Variants in ADGB observed in about 807,000 individuals in gnomAD.
ADGB encodes the protein androglobin, also known as calpain-7-like protein.
A neutral mutation model predicts 210.5 loss-of-function variants in ADGB; 172 were observed. The observed-to-expected ratio is 0.82, with a 90% CI of 0.72 to 0.93. ADGB has a LOEUF of 0.93. ADGB is among the 40% of genes least tolerant of loss of function. The probability of loss-of-function intolerance (pLI) is 0.00; values close to 1 mark genes in which losing one functional copy is unlikely to be tolerated. For synonymous variants in ADGB, 658 were observed against 662.7 expected, an observed-to-expected ratio of 0.99 and a Z score of 0.11; for missense variants, 2,025 against 1,964.8, an observed-to-expected ratio of 1.03 and a Z score of -0.58.
intron 26 of ADGB, among the ~76,000 whole-genome samples, chr6:146,747,873 C>T (rs547651704): frequency 6.6e-6 from 1 of 150,436 alleles, no homozygotes; most frequent in Non-Finnish European, 1.5e-5. Context: ...ACCTCTGCCT[C>T]CCGGGTTCAA....
At position 146,672,414 on chromosome 6, in the gene ADGB, A is replaced by G; in HGVS notation, c.1034A>G (p.Glu345Gly). The change falls in exon 8 of 36, where the codon GAA becomes GGA. Residue 345 changes from glutamate (E) to glycine (G), a missense_variant. By Grantham distance (98) the Glu-to-Gly change is moderately conservative (BLOSUM62 -2). Transcript: ENST00000397944. ...AAAGACGTGAAGGAATTCAAACCTG[A>G]AAGTTCTTTGACAACACTAAAGGCT... ...EVKDVKEFKPESSLTTLKAPE... is the reference protein window; with the variant it reads ...EVKDVKEFKPGSSLTTLKAPE... 6.4e-7 allele frequency: 1 copy of G among 1,551,238 alleles called. No homozygotes were observed. The highest frequency in any genetic ancestry group is 2.4e-5 in the East Asian group (1 of 40,896).
chr6:146,701,078 T>A lies in ADGB; in HGVS notation c.1707+8T>A. On this transcript the variant is annotated splice_region_variant and intron_variant, in intron 13 of 35. Transcript: ENST00000397944. Reference sequence around the variant, plus strand: ...ACAAAAGCTACATCTCAGGTGACTATGTTACTCTTACTGTTGGCCCAACTC... The same window carrying A: ...ACAAAAGCTACATCTCAGGTGACTAAGTTACTCTTACTGTTGGCCCAACTC... 1 of 1,549,714 alleles carries A rather than the reference T, an allele frequency of 6.5e-7. No individual in the cohort carries two copies. The highest frequency in any genetic ancestry group is 1.2e-5 in the South Asian group (1 of 83,868).
At chr6:146,727,108 G>T (rs1212612821) in intron 19 of ADGB, among the ~76,000 whole-genome samples, 3 of 151,164 alleles carry the variant, frequency 2.0e-5, no homozygotes, top group African/African-American at 7.3e-5. Context: ...ATGCATTTGG[G>T]ACAATATTTG....
chr6:146,708,170 A>T (rs1227201097), intron 13 of ADGB, among the ~76,000 whole-genome samples: 1 of 152,052 alleles, frequency 6.6e-6, no homozygotes, highest in East Asian at 1.9e-4. Context: ...TCCCTTGACA[A>T]ATTATTGCAA....
intron 34 of ADGB, 71 bp from the exon 35 acceptor site, chr6:146,801,757 G>T (rs1264974467): frequency 3.1e-6 from 4 of 1,281,772 alleles, no homozygotes; most frequent in East Asian, 2.7e-5. Context: ...AAAATTATTT[G>T]ATGTCTAAAG....
chr6:146,710,118 A>T (rs1215092688), intron 13 of ADGB, among the ~76,000 whole-genome samples: 1 of 150,928 alleles, frequency 6.6e-6, no homozygotes, highest in African/African-American at 2.4e-5. Context: ...TCTCAATCAT[A>T]TATAATCATA....
chr6:146,647,621 A>T (rs913087153), intron 3 of ADGB, among the ~76,000 whole-genome samples: 41 of 152,122 alleles, frequency 2.7e-4, no homozygotes, highest in African/African-American at 9.4e-4. Flanking sequence ...TTCTGTATTT[A>T]TTACTTTTAT....
At chr6:146,695,213 C>T (rs1443856625) in intron 12 of ADGB, among the ~76,000 whole-genome samples, 1 of 152,078 alleles carries the variant, frequency 6.6e-6, no homozygotes, top group East Asian at 1.9e-4. Flanking sequence ...TTTAATTTTG[C>T]TTTCATAGTA....
chr6:146,649,254 T>C (rs1412154194), intron 3 of ADGB, among the ~76,000 whole-genome samples: 1 of 151,776 alleles, frequency 6.6e-6, no homozygotes, highest in African/African-American at 2.4e-5. Context: ...GGCATTTTGC[T>C]GATAACTCAG....
Position 146,747,182 on chromosome 6 carries a change from AT to A in ADGB, c.3365+1074del, listed in dbSNP as rs1476135798. On this transcript the variant is annotated intron_variant, in intron 26 of 35. Coordinates refer to ENST00000397944, the MANE Select transcript of ADGB (RefSeq NM_024694.4). ...GATACATAATTGGCCTCCATTAACA[AT>A]GTGTTGTTATTCAACGAGTTGTTGG... Among the ~76,000 whole-genome samples the A allele has an allele frequency of 9.2e-5, 14 of 152,304 alleles. No homozygotes were observed. The East Asian group carries it at 2.1e-3, about 23-fold the overall frequency.
chr6:146,815,228 T>A lies in ADGB; in HGVS notation c.*11T>A. 6.7e-7 allele frequency: 1 copy of A among 1,495,484 alleles called. No homozygotes were observed. The highest frequency in any genetic ancestry group is 8.9e-7 in the Non-Finnish European group (1 of 1,129,318). 92.6% of individuals were successfully genotyped at this position (1,495,484 alleles called of 1,614,324 possible). A position where few individuals can be genotyped will look rare whatever the true frequency, so the allele number is the denominator to read the frequency against. On this transcript the variant is annotated 3_prime_UTR_variant, in exon 36 of 36. Transcript: ENST00000397944. Reference sequence around the variant, plus strand: ...GGAAAGAAAAAGTAACCAGGGGATGTCCAATACTACCCTGCTTCTGGAGAG... The same window carrying A: ...GGAAAGAAAAAGTAACCAGGGGATGACCAATACTACCCTGCTTCTGGAGAG...
chr6:146,668,702 C>T (rs962078300), intron 7 of ADGB, among the ~76,000 whole-genome samples: 7 of 151,978 alleles, frequency 4.6e-5, no homozygotes, highest in African/African-American at 1.7e-4. Flanking sequence ...ATACCAGAGA[C>T]AGGAAATCAT....
intron 29 of ADGB, among the ~76,000 whole-genome samples, chr6:146,769,873 G>C (rs1367266094): frequency 6.6e-6 from 1 of 152,160 alleles, no homozygotes; most frequent in Non-Finnish European, 1.5e-5. Context: ...TCAAACACTT[G>C]ATGGTAGCCA....
chr6:146,624,315 T>G (rs1207315862), intron 1 of ADGB, among the ~76,000 whole-genome samples: 1 of 151,926 alleles, frequency 6.6e-6, no homozygotes, highest in Non-Finnish European at 1.5e-5. Context: ...ATTGTTAGTT[T>G]GCATATTTCA....
At chr6:146,630,254 T>C (rs183752838) in intron 1 of ADGB, among the ~76,000 whole-genome samples, 61 of 151,358 alleles carry the variant, frequency 4.0e-4, no homozygotes, top group African/African-American at 1.5e-3. Flanking sequence ...AAAATAAAAA[T>C]AAAAATAAAA....
intron 25 of ADGB, among the ~76,000 whole-genome samples, chr6:146,742,884 ATTC>A (rs1343759041): frequency 6.6e-6 from 1 of 151,954 alleles, no homozygotes; most frequent in Non-Finnish European, 1.5e-5. Flanking sequence ...TATTTTTGTG[ATTC>A]TTTTTTTTTT....
intron 1 of ADGB, among the ~76,000 whole-genome samples, chr6:146,614,183 C>CCCTCCCTCCCTT (rs1491363278): frequency 5.6e-5 from 4 of 71,086 alleles, no homozygotes; most frequent in East Asian, 1.2e-3. Context: ...TTCTCTCCCT[C>CCCTCCCTCCCTT]CCTCCCTCCC....
intron 25 of ADGB, 123 bp downstream of exon 25, chr6:146,741,394 A>G: frequency 1.3e-6 from 1 of 796,662 alleles, no homozygotes; most frequent in Non-Finnish European, 1.9e-6. Flanking sequence ...TAAGGCCCTG[A>G]TCTTTCACTA....
intron 20 of ADGB, among the ~76,000 whole-genome samples, 166 bp from the exon 21 acceptor site, chr6:146,732,954 G>T (rs1264546735): frequency 6.6e-6 from 1 of 151,970 alleles, no homozygotes; most frequent in Non-Finnish European, 1.5e-5. Flanking sequence ...TGATAATTTT[G>T]GTCTCTTACT....
Sources: allele counts gnomAD v4.1 joint callset (sites outside exome capture counted in the v4.1 genomes callset), GRCh38; gene constraint gnomAD v4.1.1; transcripts MANE v1.5; gene names NCBI Gene and HGNC (gene_info 2026-07-23, HGNC 2026-07-21).